The following WDFY3 variants were observed in gnomAD, a reference collection of about 807,000 sequenced individuals.
The protein encoded by WDFY3 is WD repeat and FYVE domain-containing protein 3.
WDFY3 carries 66 observed loss-of-function variants against 409.6 expected under a neutral mutation model. The observed-to-expected ratio is 0.16, with a 90% confidence interval of 0.13 to 0.20. The LOEUF (loss-of-function observed/expected upper bound fraction) is 0.20, where lower values mean the gene tolerates loss of function less well. Among genes scored for constraint, WDFY3 ranks in the 10% least tolerant of loss-of-function variants. WDFY3 has a pLI of 1.00. For missense variants in WDFY3, 3,031 were observed against 4,298.1 expected (o/e 0.71, Z 8.24); for synonymous variants, 1,521 against 1,537.1 (o/e 0.99, Z 0.25).
intron 25 of WDFY3, among the ~76,000 whole-genome samples, chr4:84,781,192 T>C (rs1397786828): frequency 2.0e-5 from 3 of 151,026 alleles, no homozygotes; most frequent in South Asian, 2.1e-4. Flanking sequence ...CATAAGTTTA[T>C]AGAAACACAG....
chr4:84,823,648 G>A (rs1052340541), intron 10 of WDFY3, among the ~76,000 whole-genome samples: 2 of 152,100 alleles, frequency 1.3e-5, no homozygotes, highest in African/African-American at 4.8e-5. Context: ...TAGAGAAACA[G>A]ATGGTGACAA....
At chr4:84,703,722 C>G (rs992223257) in intron 55 of WDFY3, among the ~76,000 whole-genome samples, 1 of 152,204 alleles carries the variant, frequency 6.6e-6, no homozygotes, top group African/African-American at 2.4e-5. Context: ...TCTGACCACT[C>G]TACTTAAAAC....
intron 3 of WDFY3, 120 bp from the exon 4 acceptor site, chr4:84,860,742 T>G: frequency 1.1e-6 from 1 of 927,680 alleles, no homozygotes; most frequent in Non-Finnish European, 1.4e-6. Flanking sequence ...AATATATCTT[T>G]CTACTTCTTT....
At chr4:84,810,957 T>C (rs948891697) in intron 13 of WDFY3, among the ~76,000 whole-genome samples, 6 of 152,058 alleles carry the variant, frequency 3.9e-5, no homozygotes, top group African/African-American at 1.4e-4. Context: ...AAATCAAACA[T>C]TTACTTTCTG....
chr4:84,831,650 CAAAT>C, intron 7 of WDFY3, 45 bp from the exon 8 acceptor site: 2 of 1,519,980 alleles, frequency 1.3e-6, no homozygotes, highest in Non-Finnish European at 1.8e-6. Context: ...AAGCAAAAAT[CAAAT>C]AATCTGATTT....
chr4:84,878,230 C>A lies in WDFY3; in HGVS notation c.-31-17608G>T, dbSNP rs571520862. Among the ~76,000 whole-genome samples the A allele has an allele frequency of 2.6e-5, 4 of 152,162 alleles. No homozygotes were observed. The East Asian group carries it at 7.7e-4, about 29-fold the overall frequency. The stretch of plus-strand genomic sequence containing the variant: ...ATGACAAAAGGCAATAAGCCAGAAT[C>A]CTCCGCTGGAAATTCAAGCATCAAC... On this transcript the variant is annotated intron_variant, in intron 3 of 67. Transcript: ENST00000295888.
At chr4:84,685,142 C>T (rs2148808227) in intron 62 of WDFY3, among the ~76,000 whole-genome samples, 2 of 152,260 alleles carry the variant, frequency 1.3e-5, no homozygotes, top group South Asian at 4.1e-4. Flanking sequence ...TTAGAAAAGA[C>T]CTGGTAAAGT....
In WDFY3 at chr4:84,820,961, T is replaced by C. The variant is rs184844050; in HGVS notation, c.1591+123A>G. Reference sequence around the variant, plus strand: ...TTTTGGAAAATACAGTTCACTAATATGTCACAATAATGCACATTAGGAAGT... The same window carrying C: ...TTTTGGAAAATACAGTTCACTAATACGTCACAATAATGCACATTAGGAAGT... On this transcript the variant is annotated intron_variant, in intron 11 of 67. Coordinates refer to ENST00000295888, the MANE Select transcript of WDFY3 (RefSeq NM_014991.6). 1,049 of 995,402 alleles carry C rather than the reference T, an allele frequency of 1.1e-3. 13 individuals are homozygous for C. In the East Asian group the frequency reaches 0.026, roughly 25 times the overall value. 61.7% of individuals were successfully genotyped at this position (995,402 alleles called of 1,614,324 possible).
Position 84,739,306 on chromosome 4 carries a change from T to G in WDFY3, c.6465-187A>C. 5.3e-6 allele frequency: 3 copies of G among 568,130 alleles called. No individual in the cohort carries two copies. The highest frequency in any genetic ancestry group is 2.3e-5 in the South Asian group (1 of 44,246). 35.2% of individuals were successfully genotyped at this position (568,130 alleles called of 1,614,324 possible). On this transcript the variant is annotated intron_variant, in intron 39 of 67. Transcript: ENST00000295888. The stretch of plus-strand genomic sequence containing the variant: ...AGGTGATCAAATAAATCCACCTGAC[T>G]AAATGTAATTAGACTGATCTATAGC...
intron 2 of WDFY3, among the ~76,000 whole-genome samples, chr4:84,928,827 T>C (rs976715272): frequency 6.6e-6 from 1 of 152,178 alleles, no homozygotes; most frequent in East Asian, 1.9e-4. Context: ...GTTAATAACG[T>C]AGCGAAGTGA....
In WDFY3 at chr4:84,856,823, A is replaced by T. The variant is rs1759822058; in HGVS notation, c.180+3589T>A. 2.0e-5 allele frequency among the ~76,000 whole-genome samples: 3 copies of T among 152,184 alleles called. No individual in the cohort carries two copies. The South Asian group carries it at 6.2e-4, about 32-fold the overall frequency. On this transcript the variant is annotated intron_variant, in intron 4 of 67. Transcript: ENST00000295888. ...AAAATCAACACTGCAATTCCTTTTT[A>T]GCAATCATGGTAAGAACTGGTTGGC...
At chr4:84,780,448 G>T in intron 25 of WDFY3, 150 bp from the exon 26 acceptor site, 1 of 935,796 alleles carries the variant, frequency 1.1e-6, no homozygotes, top group Non-Finnish European at 1.5e-6. Context: ...AGCATTAAAG[G>T]TAGAATTTGG....
chr4:84,875,138 C>T (rs1334448294), intron 3 of WDFY3, among the ~76,000 whole-genome samples: 3 of 151,816 alleles, frequency 2.0e-5, no homozygotes, highest in Non-Finnish European at 4.4e-5. Flanking sequence ...CATGGTGGCA[C>T]GCGCCTGTAG....
chr4:84,709,081 C>T, intron 52 of WDFY3, 53 bp from the exon 53 acceptor site: 2 of 1,593,520 alleles, frequency 1.3e-6, no homozygotes, highest in Non-Finnish European at 1.7e-6. Context: ...CCACTATGTT[C>T]AGCTTTTAAA....
chr4:84,767,797 A>T (rs965380412), intron 30 of WDFY3, among the ~76,000 whole-genome samples: 1 of 152,162 alleles, frequency 6.6e-6, no homozygotes, highest in Non-Finnish European at 1.5e-5. Flanking sequence ...GCAGAAAAAA[A>T]GTTGGGGGCC....
chr4:84,947,823 C>T (rs900870251), intron 1 of WDFY3, among the ~76,000 whole-genome samples: 12 of 151,590 alleles, frequency 7.9e-5, no homozygotes, highest in Admixed American at 4.6e-4. Context: ...AAGGTAAAGG[C>T]TGTAGTGAGT....
intron 1 of WDFY3, among the ~76,000 whole-genome samples, chr4:84,962,064 C>A (rs1414293604): frequency 6.6e-6 from 1 of 152,144 alleles, no homozygotes; most frequent in Non-Finnish European, 1.5e-5. Context: ...AAATGTCCAT[C>A]AGTTTATGAA....
chr4:84,922,710 A>C (rs1307913950), intron 2 of WDFY3, among the ~76,000 whole-genome samples: 1 of 151,802 alleles, frequency 6.6e-6, no homozygotes, highest in Non-Finnish European at 1.5e-5. Context: ...CTCAGCCTGG[A>C]GTGCAGTGGC....
intron 21 of WDFY3, among the ~76,000 whole-genome samples, chr4:84,793,579 G>A (rs576732347): frequency 6.6e-6 from 1 of 152,324 alleles, no homozygotes; most frequent in East Asian, 1.9e-4. Context: ...AAGAGAAAGC[G>A]ATTGAAGGAA....
Sources: allele counts gnomAD v4.1 joint callset (sites outside exome capture counted in the v4.1 genomes callset), GRCh38; gene constraint gnomAD v4.1.1; transcripts MANE v1.5; gene names NCBI Gene and HGNC (gene_info 2026-07-23, HGNC 2026-07-21).